CNTN5: variants seen among roughly 807,000 people sequenced by gnomAD.
CNTN5 encodes the protein contactin 5, also known as contactin-5.
Under a neutral mutation model 129.1 loss-of-function variants are expected in CNTN5, and 77 were observed. The ratio of observed to expected loss-of-function variants is 0.60; its 90% CI spans 0.50 to 0.72. The LOEUF is 0.72. Among genes scored for constraint, CNTN5 ranks in the 30% least tolerant of loss-of-function variants. The pLI is 0.00. For missense variants in CNTN5, 1,478 were observed against 1,328.8 expected, an observed-to-expected ratio of 1.11 and a Z score of -1.75; for synonymous variants, 509 against 465.6, an observed-to-expected ratio of 1.09 and a Z score of -1.20.
chr11:99,028,697 C>T (rs1333651461), intron 1 of CNTN5, among the ~76,000 whole-genome samples: 11 of 146,854 alleles, frequency 7.5e-5, no homozygotes, highest in Admixed American at 7.5e-4. Flanking sequence ...CATGGTATAG[C>T]CAAACTCAAG....
At chr11:100,214,880 C>T (rs186546600) in intron 15 of CNTN5, among the ~76,000 whole-genome samples, 5 of 152,294 alleles carry the variant, frequency 3.3e-5, no homozygotes, top group Admixed American at 2.6e-4. Flanking sequence ...AGGCAGATAA[C>T]AGCAAGGATG....
chr11:99,241,063 G>A (rs923767788), intron 1 of CNTN5, among the ~76,000 whole-genome samples: 1 of 152,048 alleles, frequency 6.6e-6, no homozygotes, highest in Non-Finnish European at 1.5e-5. Context: ...TCTTATAGAA[G>A]GTATTTTTAT....
At chr11:99,379,723 T>C (rs1025146380) in intron 2 of CNTN5, among the ~76,000 whole-genome samples, 1 of 152,146 alleles carries the variant, frequency 6.6e-6, no homozygotes, top group Non-Finnish European at 1.5e-5. Flanking sequence ...ATTCTATAAT[T>C]CAGCTCATGG....
intron 3 of CNTN5, among the ~76,000 whole-genome samples, chr11:99,689,856 A>T (rs1953966576): frequency 6.6e-6 from 1 of 151,682 alleles, no homozygotes; most frequent in Non-Finnish European, 1.5e-5. Context: ...AGATTGCAAA[A>T]TTTTTCTCCC....
intron 23 of CNTN5, among the ~76,000 whole-genome samples, chr11:100,343,914 G>A (rs1952221868): frequency 6.6e-6 from 1 of 151,986 alleles, no homozygotes; most frequent in African/African-American, 2.4e-5. Flanking sequence ...ATAAAATAGG[G>A]ACACAGGACA....
At chr11:99,388,208 G>A (rs1206696851) in intron 2 of CNTN5, among the ~76,000 whole-genome samples, 2 of 151,896 alleles carry the variant, frequency 1.3e-5, no homozygotes, top group Non-Finnish European at 2.9e-5. Flanking sequence ...CTGAGGTCAG[G>A]AGTTTGACAC....
At chr11:100,290,943 C>T (rs2138860619) in intron 18 of CNTN5, among the ~76,000 whole-genome samples, 1 of 151,968 alleles carries the variant, frequency 6.6e-6, no homozygotes, top group East Asian at 1.9e-4. Flanking sequence ...AAACAGTGGG[C>T]AAAGGACATG....
intron 6 of CNTN5, among the ~76,000 whole-genome samples, chr11:99,880,180 C>T (rs892951413): frequency 3.9e-5 from 6 of 152,114 alleles, no homozygotes; most frequent in African/African-American, 1.4e-4. Context: ...CAATTGAAAA[C>T]ATTTTATATC....
chr11:99,305,589 C>T (rs1457618294), intron 1 of CNTN5, among the ~76,000 whole-genome samples: 2 of 152,072 alleles, frequency 1.3e-5, no homozygotes, highest in African/African-American at 4.8e-5. Context: ...AATAAATGGG[C>T]AATTTAACAA....
chr11:99,549,444 C>T (rs1948410229), intron 2 of CNTN5, among the ~76,000 whole-genome samples: 1 of 152,136 alleles, frequency 6.6e-6, no homozygotes, highest in Non-Finnish European at 1.5e-5. Flanking sequence ...CCAAAGCAGC[C>T]ATATACATAA....
chr11:99,691,217 G>GT (rs1336464809), intron 3 of CNTN5, among the ~76,000 whole-genome samples: 22 of 151,342 alleles, frequency 1.5e-4, no homozygotes, highest in Non-Finnish European at 2.8e-4. Context: ...GGATTTGTTG[G>GT]TTTTTTTGAA....
chr11:99,830,805 G>A (rs1325587440), intron 4 of CNTN5, among the ~76,000 whole-genome samples: 1 of 152,066 alleles, frequency 6.6e-6, no homozygotes, highest in Non-Finnish European at 1.5e-5. Context: ...TTAAGTATAT[G>A]TGGTGTGAGC....
At chr11:99,132,903 T>C (rs1453567981) in intron 1 of CNTN5, among the ~76,000 whole-genome samples, 1 of 151,996 alleles carries the variant, frequency 6.6e-6, no homozygotes, top group South Asian at 2.1e-4. Flanking sequence ...AGAAAAAAAC[T>C]ATTTAAAAAT....
At chr11:99,915,560 A>G (rs1397548907) in intron 6 of CNTN5, among the ~76,000 whole-genome samples, 3 of 152,186 alleles carry the variant, frequency 2.0e-5, no homozygotes, top group South Asian at 4.1e-4. Context: ...TGCTTTTTCT[A>G]TTTTTACTAT....
At chr11:99,289,046 T>G (rs182713431) in intron 1 of CNTN5, among the ~76,000 whole-genome samples, 15 of 151,950 alleles carry the variant, frequency 9.9e-5, no homozygotes, top group African/African-American at 3.4e-4. Context: ...TACAGTTTTT[T>G]CTTAAAGATT....
Position 99,641,772 on chromosome 11 carries a change from C to T in CNTN5, c.55+85503C>T, listed in dbSNP as rs145031976. Among the ~76,000 whole-genome samples the T allele has an allele frequency of 2.8e-4, 42 of 152,276 alleles. 1 individual carries two copies. The highest frequency in any genetic ancestry group is 4.3e-4 in the African/African-American group (18 of 41,550). On this transcript the variant is annotated intron_variant, in intron 3 of 24. Coordinates refer to ENST00000524871, the MANE Select transcript of CNTN5 (RefSeq NM_014361.4). ...TGGGCAGATCTGATCTCATGGTCAG[C>T]TTAGCTTCCCTCCCTTTGCCTATCT...
At chr11:99,852,097 A>G (rs1407037371) in intron 6 of CNTN5, among the ~76,000 whole-genome samples, 3 of 152,216 alleles carry the variant, frequency 2.0e-5, no homozygotes, top group African/African-American at 7.2e-5. Flanking sequence ...TTGTAAAATT[A>G]TTAGATGTTA....
intron 3 of CNTN5, among the ~76,000 whole-genome samples, chr11:99,689,071 A>G (rs185698126): frequency 1.3e-5 from 2 of 152,238 alleles, no homozygotes; most frequent in East Asian, 3.9e-4. Flanking sequence ...GAATACACAC[A>G]TGCATGCATC....
At chr11:99,728,235 T>A (rs896800270) in intron 3 of CNTN5, among the ~76,000 whole-genome samples, 1 of 152,098 alleles carries the variant, frequency 6.6e-6, no homozygotes, top group African/African-American at 2.4e-5. Flanking sequence ...AGAGAAGGCA[T>A]AGATATTGAG....
Sources: gnomAD v4.1 joint callset for allele counts (sites outside exome capture counted in the v4.1 genomes callset) on GRCh38, gnomAD v4.1.1 for gene constraint, MANE v1.5 for transcripts, NCBI Gene and HGNC (gene_info 2026-07-23, HGNC 2026-07-21) for gene names.